Variants in MGST1 observed in about 807,000 individuals in gnomAD.
The protein encoded by MGST1 is microsomal glutathione S-transferase 1.
MGST1 carries 5 observed loss-of-function variants against 8.9 expected under a neutral mutation model. The ratio of observed to expected loss-of-function variants is 0.56; its 90% CI spans 0.29 to 1.19. The LOEUF (loss-of-function observed/expected upper bound fraction) is 1.19, where lower values mean the gene tolerates loss of function less well. Ranked by LOEUF, MGST1 falls within the 50% of genes most tolerant of loss-of-function variation. The pLI is 0.08. For synonymous variants in MGST1, 54 were observed against 67.8 expected (o/e 0.80, Z 1.00); for missense variants, 182 against 187.4 (o/e 0.97, Z 0.17).
At chr12:16,539,728 C>A (rs1941781745) in intron 4 of MGST1, among the ~76,000 whole-genome samples, 2 of 152,192 alleles carry the variant, frequency 1.3e-5, no homozygotes, top group Admixed American at 6.5e-5. Context: ...TTTTAACAGG[C>A]TCCTCATCTT....
intron 1 of MGST1, among the ~76,000 whole-genome samples, chr12:16,407,853 G>T (rs1310565667): frequency 6.6e-6 from 1 of 151,886 alleles, no homozygotes. Flanking sequence ...CCAACGTGGT[G>T]AAACCCTGTC....
chr12:16,565,219 A>G lies in MGST1; in HGVS notation n.483-24309A>G, dbSNP rs558886082. 2.2e-4 allele frequency among the ~76,000 whole-genome samples: 33 copies of G among 152,350 alleles called. No individual in the cohort carries two copies. In the East Asian group the frequency reaches 4.8e-3, roughly 22 times the overall value. On this transcript the variant is annotated intron_variant and non_coding_transcript_variant, in intron 4 of 4. Transcript: ENST00000538857. The stretch of plus-strand genomic sequence containing the variant: ...TTCGAAGACTATGAAATTGCAATCA[A>G]TTGAAAAGATTTTTAACTTTTGACT...
chr12:16,505,392 G>T (rs1005175854), intron 4 of MGST1, among the ~76,000 whole-genome samples: 2 of 152,026 alleles, frequency 1.3e-5, no homozygotes, highest in African/African-American at 4.8e-5. Flanking sequence ...TATCCTTTAG[G>T]CTCCTTCAGC....
At position 16,413,336 on chromosome 12, in the gene MGST1, C is replaced by T. The variant is rs975266651; in HGVS notation, n.779-24052C>T. Among the ~76,000 whole-genome samples the T allele has an allele frequency of 1.3e-5, 2 of 152,164 alleles. No homozygotes were observed. The highest frequency in any genetic ancestry group is 2.9e-5 in the Non-Finnish European group (2 of 68,036). On this transcript the variant is annotated intron_variant and non_coding_transcript_variant, in intron 1 of 1. Transcript: ENST00000359720. This position sits in a 1 kb window ranked among gnomAD's most constrained non-coding sequence, Gnocchi z 4.0. ...AGGGAGAGTCTTACAGACACAACTG[C>T]CTGCATGTCCATGAATCCTGCAGCA...
Position 16,389,453 on chromosome 12 carries a change from G to C in MGST1, n.778+5849G>C, listed in dbSNP as rs946665157. ...TTTTTGTCTTTTTTGTGATTCCATG[G>C]GTCGGGTCAAATTGACGGCACGGAA... On this transcript the variant is annotated intron_variant and non_coding_transcript_variant, in intron 1 of 1. Coordinates refer to the MGST1 transcript ENST00000359720. The surrounding 1 kb of genome is among the most constrained non-coding windows in gnomAD (Gnocchi z 4.6). Among the ~76,000 whole-genome samples the C allele has an allele frequency of 6.6e-6, 1 of 152,082 alleles. No homozygotes were observed. Among genetic ancestry groups the C allele is most frequent in the Non-Finnish European group, 1.5e-5 (1 of 68,012 alleles).
At chr12:16,480,421 A>G (rs1323379520) in intron 4 of MGST1, among the ~76,000 whole-genome samples, 1 of 152,164 alleles carries the variant, frequency 6.6e-6, no homozygotes, top group East Asian at 1.9e-4. Context: ...GATTACAGGC[A>G]TAAGCCACCG....
At chr12:16,383,118 CT>C in exon 1 of MGST1, 1 of 152,702 alleles carries the variant, frequency 6.5e-6, no homozygotes, top group Non-Finnish European at 1.5e-5. Flanking sequence ...CCTCGCCTTG[CT>C]TTGGCTCGTG....
rs1477262368 is a variant in MGST1 at position 16,582,829 on chromosome 12, C to T, written n.483-6699C>T. Among the ~76,000 whole-genome samples the T allele has an allele frequency of 1.2e-4, 19 of 152,118 alleles. No individual in the cohort carries two copies. Among genetic ancestry groups the T allele is most frequent in the Admixed American group, 1.2e-3 (19 of 15,268 alleles). On this transcript the variant is annotated intron_variant and non_coding_transcript_variant, in intron 4 of 4. Coordinates refer to the MGST1 transcript ENST00000538857. The surrounding 1 kb of genome is among the most constrained non-coding windows in gnomAD (Gnocchi z 4.1). ...TTGGGAGGCCAAATTGAGTGGATCA[C>T]CTGAGGTCAGGAGTTCGAGACCAGC...
At chr12:16,514,838 CAT>C (rs1373359765) in intron 4 of MGST1, among the ~76,000 whole-genome samples, 2 of 152,216 alleles carry the variant, frequency 1.3e-5, no homozygotes, top group Non-Finnish European at 2.9e-5. Flanking sequence ...CATGTAGTGA[CAT>C]AGGGCAGAGG....
intron 1 of MGST1, among the ~76,000 whole-genome samples, chr12:16,435,485 A>G (rs1940976699): frequency 6.6e-6 from 1 of 151,956 alleles, no homozygotes; most frequent in African/African-American, 2.4e-5. Flanking sequence ...CATTTCAATC[A>G]AATTATTGCT....
At chr12:16,432,679 G>GACACAC (rs36054419) in intron 1 of MGST1, among the ~76,000 whole-genome samples, 25 of 124,388 alleles carry the variant, frequency 2.0e-4, no homozygotes, top group South Asian at 3.0e-4. Context: ...CTCTCTCTCT[G>GACACAC]ACACACACAC....
rs1201107671 is a variant in MGST1 at position 16,582,519 on chromosome 12, T to C, written n.483-7009T>C. ...TTACATATTTTGAACTTAAGCTTCC[T>C]GTGTAACACTTAATTGTGGATACTA... On this transcript the variant is annotated intron_variant and non_coding_transcript_variant, in intron 4 of 4. Coordinates refer to the MGST1 transcript ENST00000538857. This position sits in a 1 kb window ranked among gnomAD's most constrained non-coding sequence, Gnocchi z 4.1. Among the ~76,000 whole-genome samples the C allele has an allele frequency of 2.6e-5, 4 of 152,226 alleles. No individual in the cohort carries two copies. Among genetic ancestry groups the C allele is most frequent in the Admixed American group, 1.3e-4 (2 of 15,284 alleles).
chr12:16,352,446 C>A lies in MGST1; in HGVS notation c.-22-1785C>A, dbSNP rs1262240455. On this transcript the variant is annotated intron_variant, in intron 1 of 3. Coordinates refer to ENST00000396210, the MANE Select transcript of MGST1 (RefSeq NM_020300.5). Reference sequence around the variant, plus strand: ...ATCTAGAAGAGACAGTACTACATGCCAAGCAGGATAAATAGCCTCTAAGCT... The same window carrying A: ...ATCTAGAAGAGACAGTACTACATGCAAAGCAGGATAAATAGCCTCTAAGCT... Among the ~76,000 whole-genome samples the A allele has an allele frequency of 2.6e-5, 4 of 152,230 alleles. 1 individual carries two copies. The Middle Eastern group carries it at 0.014, about 518-fold the overall frequency.
intron 1 of MGST1, among the ~76,000 whole-genome samples, chr12:16,396,316 C>T (rs1162979910): frequency 6.6e-6 from 1 of 152,086 alleles, no homozygotes; most frequent in Admixed American, 6.5e-5. Context: ...ATGACAAACC[C>T]ACAGCTAACA....
intron 4 of MGST1, among the ~76,000 whole-genome samples, chr12:16,470,636 A>G (rs1389370768): frequency 4.6e-5 from 7 of 152,338 alleles, no homozygotes; most frequent in African/African-American, 1.7e-4. Context: ...AAGAATTTCT[A>G]AGTACCTAAT....
At chr12:16,557,358 G>A (rs79473000) in intron 4 of MGST1, among the ~76,000 whole-genome samples, 8,667 of 140,366 alleles carry the variant, frequency 0.062, 619 homozygotes, top group African/African-American at 0.18. Flanking sequence ...ATCCCTTAAG[G>A]TGGCAAGGAT....
At chr12:16,483,551 TAATATC>T (rs1342419670) in intron 4 of MGST1, among the ~76,000 whole-genome samples, 1 of 152,108 alleles carries the variant, frequency 6.6e-6, no homozygotes, top group Non-Finnish European at 1.5e-5. Flanking sequence ...ATAGATATAT[TAATATC>T]AGACAAAATA....
At chr12:16,400,388 C>G in intron 1 of MGST1, 1 of 819,840 alleles carries the variant, frequency 1.2e-6, no homozygotes, top group Non-Finnish European at 2.2e-6. Flanking sequence ...ACACGGGCCT[C>G]CAGTGAGCCT....
intron 4 of MGST1, among the ~76,000 whole-genome samples, chr12:16,507,333 G>C (rs1941544577): frequency 1.3e-5 from 2 of 152,130 alleles, no homozygotes; most frequent in Admixed American, 1.3e-4. Context: ...AAGTTCATCA[G>C]AGGCTTTGAA....
Sources: allele counts gnomAD v4.1 joint callset (sites outside exome capture counted in the v4.1 genomes callset), GRCh38; gene constraint gnomAD v4.1.1; non-coding constraint Gnocchi (gnomAD v3.1); transcripts MANE v1.5; gene names NCBI Gene and HGNC (gene_info 2026-07-23, HGNC 2026-07-21).